Variants in LGR6 observed in about 807,000 individuals in gnomAD.
LGR6 encodes leucine rich repeat containing G protein-coupled receptor 6.
A neutral mutation model predicts 69.4 loss-of-function variants in LGR6; 45 were observed. The observed-to-expected ratio is 0.65, with a 90% confidence interval of 0.51 to 0.83. The LOEUF (loss-of-function observed/expected upper bound fraction) is 0.83. LGR6 is among the 40% of genes least tolerant of loss of function. LGR6 has a pLI of 0.00. For missense variants in LGR6, 1,108 were observed against 1,246.7 expected, an observed-to-expected ratio of 0.89 and a Z score of 1.68; for synonymous variants, 538 against 555.0, an observed-to-expected ratio of 0.97 and a Z score of 0.43.
intron 4 of LGR6, among the ~76,000 whole-genome samples, chr1:202,241,720 C>T (rs760499109): frequency 2.2e-4 from 33 of 151,904 alleles, no homozygotes; most frequent in Non-Finnish European, 3.7e-4. Flanking sequence ...GTGGGGGCTG[C>T]GCTGGTCTGG....
At chr1:202,243,282 T>C (rs940978710) in intron 4 of LGR6, among the ~76,000 whole-genome samples, 1 of 152,102 alleles carries the variant, frequency 6.6e-6, no homozygotes, top group African/African-American at 2.4e-5. Flanking sequence ...TTTCTGTCAT[T>C]ACCCTAGGTA....
At chr1:202,288,950 A>ACAGAGGTCTGATTGCATC (rs755769755) in intron 6 of LGR6, among the ~76,000 whole-genome samples, 6 of 152,344 alleles carry the variant, frequency 3.9e-5, no homozygotes, top group African/African-American at 9.6e-5. Context: ...GATGTTGCCT[A>ACAGAGGTCTGATTGCATC]CAGAGGTCTG....
rs1286551291 is a variant in LGR6 at position 202,318,508 on chromosome 1, C to G, written c.2205C>G (p.Ala735=). 1 of 1,614,018 alleles carries G rather than the reference C, an allele frequency of 6.2e-7. No individual in the cohort carries two copies. Among genetic ancestry groups the G allele is most frequent in the East Asian group, 2.2e-5 (1 of 44,856 alleles). The change falls in exon 18 of 18, where the codon GCC becomes GCG. Residue 735 remains alanine (A), a synonymous_variant. Transcript: ENST00000367278. ...CAGCAGCCCTGGGCTTCACCGTGGC[C>G]CTGGTGATGATGAACTCCTTCTGTT... ...GQPAALGFTV[A]LVMMNSFCFL...
At chr1:202,294,294 T>C (rs550292425) in intron 6 of LGR6, among the ~76,000 whole-genome samples, 1 of 152,234 alleles carries the variant, frequency 6.6e-6, no homozygotes, top group Admixed American at 6.5e-5. Flanking sequence ...TAAACAAATA[T>C]ATGTCAGGTG....
intron 1 of LGR6, among the ~76,000 whole-genome samples, chr1:202,206,337 G>T (rs1174403180): frequency 6.6e-6 from 1 of 152,212 alleles, no homozygotes; most frequent in African/African-American, 2.4e-5. Flanking sequence ...GCCGATGAGA[G>T]CTCAGGACCC....
At chr1:202,230,850 C>T (rs1660976012) in intron 3 of LGR6, among the ~76,000 whole-genome samples, 1 of 152,186 alleles carries the variant, frequency 6.6e-6, no homozygotes, top group Admixed American at 6.5e-5. Context: ...TAGAAAGACT[C>T]CTGCTGGGCT....
At chr1:202,278,210 G>A (rs1438544926) in intron 5 of LGR6, among the ~76,000 whole-genome samples, 1 of 152,150 alleles carries the variant, frequency 6.6e-6, no homozygotes, top group Non-Finnish European at 1.5e-5. Flanking sequence ...GAGGTTCTTG[G>A]TATCAAAGTC....
intron 4 of LGR6, among the ~76,000 whole-genome samples, chr1:202,273,347 A>T (rs1314144225): frequency 6.6e-6 from 1 of 152,090 alleles, no homozygotes; most frequent in Non-Finnish European, 1.5e-5. Context: ...TAATTTACCC[A>T]TTAGGAAGGC....
chr1:202,303,699 A>G (rs962697312), intron 10 of LGR6, among the ~76,000 whole-genome samples: 2 of 152,214 alleles, frequency 1.3e-5, no homozygotes, highest in Admixed American at 6.5e-5. Flanking sequence ...CTTGATTCCA[A>G]CAAAGACGTT....
intron 11 of LGR6, among the ~76,000 whole-genome samples, chr1:202,305,169 C>T (rs1319014311): frequency 6.6e-6 from 1 of 152,156 alleles, no homozygotes; most frequent in Non-Finnish European, 1.5e-5. Context: ...ACACAGGCTC[C>T]AGACTCAGCC....
rs374813060 is a variant in LGR6, at chr1:202,303,313, C to T, written c.964C>T (p.Pro322Ser). 1.2e-6 allele frequency: 2 copies of T among 1,613,916 alleles called. No individual in the cohort carries two copies. The highest frequency in any genetic ancestry group is 2.7e-5 in the African/African-American group (2 of 74,900). The change falls in exon 10 of 18, where the codon CCA becomes TCA. Residue 322 changes from proline to serine, a missense_variant. Physicochemically the swap from Pro to Ser is moderately conservative, Grantham distance 74. Transcript: ENST00000367278. ...TGGTGCCATGGACATCCAGGAGTTTCCAGATCTCAAAGGCACCACCAGCCT... is the reference window on the plus strand; with the variant it reads ...TGGTGCCATGGACATCCAGGAGTTTTCAGATCTCAAAGGCACCACCAGCCT... ...LNGAMDIQEF[P>S]DLKGTTSLEI...
At chr1:202,199,018 C>A (rs1351932527) in intron 1 of LGR6, among the ~76,000 whole-genome samples, 2 of 152,166 alleles carry the variant, frequency 1.3e-5, no homozygotes, top group Non-Finnish European at 2.9e-5. Context: ...TCTTCAGTCT[C>A]TCAGTTGCTA....
chr1:202,241,651 T>C (rs1007909836), intron 4 of LGR6, among the ~76,000 whole-genome samples: 2 of 135,428 alleles, frequency 1.5e-5, no homozygotes, highest in African/African-American at 5.7e-5. Context: ...TGGGGGAAAA[T>C]AGAAACTGGG....
At position 202,318,395 on chromosome 1, in the gene LGR6, G is replaced by A. The variant is rs751251584; in HGVS notation, c.2092G>A (p.Gly698Arg). 6.2e-7 allele frequency: 1 copy of A among 1,604,514 alleles called. No individual in the cohort carries two copies. Among genetic ancestry groups the A allele is most frequent in the Non-Finnish European group, 8.5e-7 (1 of 1,175,738 alleles). ...AGVLGCLALA[G>R]LAAALPLASV... ...GGTCCTAGGCTGCCTGGCACTGGCAGGGCTGGCCGCCGCGCTGCCCCTGGC... is the reference window on the plus strand; with the variant it reads ...GGTCCTAGGCTGCCTGGCACTGGCAAGGCTGGCCGCCGCGCTGCCCCTGGC... The change falls in exon 18 of 18, where the codon GGG becomes AGG. Residue 698 changes from glycine to arginine, a missense_variant. Gly to Arg is a moderately radical substitution (Grantham distance 125). Coordinates refer to ENST00000367278, the MANE Select transcript of LGR6 (RefSeq NM_001017403.2).
At chr1:202,214,113 C>G in intron 1 of LGR6, 1 of 1,442,698 alleles carries the variant, frequency 6.9e-7, no homozygotes, top group South Asian at 1.5e-5. Context: ...GGGTGGCGGG[C>G]ACTGGACCGC....
At chr1:202,251,990 T>C (rs1166525096) in intron 4 of LGR6, among the ~76,000 whole-genome samples, 1 of 151,868 alleles carries the variant, frequency 6.6e-6, no homozygotes, top group African/African-American at 2.4e-5. Context: ...GTTCTGCCTT[T>C]TGTTGAGGTG....
At chr1:202,216,945 T>C (rs1659825368) in intron 1 of LGR6, among the ~76,000 whole-genome samples, 1 of 152,184 alleles carries the variant, frequency 6.6e-6, no homozygotes. Flanking sequence ...ACTAATTGCA[T>C]GGGGGCAGGA....
chr1:202,208,666 G>A (rs955150243), intron 1 of LGR6, among the ~76,000 whole-genome samples: 15 of 151,948 alleles, frequency 9.9e-5, no homozygotes, highest in Non-Finnish European at 2.1e-4. Flanking sequence ...CCCTCGCCTC[G>A]TTGCCCACTC....
intron 6 of LGR6, among the ~76,000 whole-genome samples, chr1:202,287,745 C>T (rs573482959): frequency 1.5e-4 from 23 of 152,240 alleles, no homozygotes; most frequent in Middle Eastern, 3.4e-3. Flanking sequence ...TGTCAGCAAA[C>T]TCCATTGGCC....
Sources: allele counts gnomAD v4.1 joint callset (sites outside exome capture counted in the v4.1 genomes callset), GRCh38; gene constraint gnomAD v4.1.1; transcripts MANE v1.5; gene names NCBI Gene and HGNC (gene_info 2026-07-23, HGNC 2026-07-21).